Variants in AKR1D1 observed in about 807,000 individuals in gnomAD.
The protein encoded by AKR1D1 is aldo-keto reductase family 1 member D1, also known as delta(4)-3-ketosteroid 5-beta-reductase.
A neutral mutation model predicts 42.6 loss-of-function variants in AKR1D1; 32 were observed. The observed-to-expected ratio is 0.75, with a 90% CI of 0.57 to 1.01. AKR1D1 has a LOEUF of 1.01. Ranked by LOEUF, AKR1D1 falls within the 50% of genes least tolerant of loss-of-function variation. The probability of loss-of-function intolerance (pLI) is 0.00; values close to 1 mark genes in which losing one functional copy is unlikely to be tolerated. For synonymous variants in AKR1D1, 123 were observed against 135.5 expected (o/e 0.91, Z 0.64); for missense variants, 364 against 402.2 (o/e 0.91, Z 0.81).
intron 3 of AKR1D1, among the ~76,000 whole-genome samples, chr7:138,096,332 T>C (rs947626188): frequency 4.6e-5 from 7 of 151,902 alleles, no homozygotes; most frequent in Non-Finnish European, 8.8e-5. Flanking sequence ...TGGCTCAAAG[T>C]TCTAGAAGCT....
chr7:138,085,550 T>C (rs1481832344), intron 1 of AKR1D1, among the ~76,000 whole-genome samples: 1 of 150,998 alleles, frequency 6.6e-6, no homozygotes, highest in Non-Finnish European at 1.5e-5. Context: ...GTTCAAGAGA[T>C]TCCCCTGCCT....
At chr7:138,105,887 A>G (rs1191075372) in intron 5 of AKR1D1, among the ~76,000 whole-genome samples, 1 of 147,636 alleles carries the variant, frequency 6.8e-6, no homozygotes, top group African/African-American at 2.6e-5. Context: ...TTCGTCTAAC[A>G]ACAACAACAA....
chr7:138,080,022 T>C (rs1006630021), intron 1 of AKR1D1, among the ~76,000 whole-genome samples: 1 of 152,214 alleles, frequency 6.6e-6, no homozygotes, highest in African/African-American at 2.4e-5. Flanking sequence ...GGAGTTCTGC[T>C]GAGCCCCTCC....
intron 8 of AKR1D1, among the ~76,000 whole-genome samples, chr7:138,116,326 T>C (rs1274700443): frequency 6.6e-6 from 1 of 152,152 alleles, no homozygotes; most frequent in African/African-American, 2.4e-5. Context: ...AAGAGGCATG[T>C]GCACATGACA....
chr7:138,106,634 G>C lies in AKR1D1; in HGVS notation c.606G>C (p.Gln202His). 6.2e-7 allele frequency: 1 copy of C among 1,614,082 alleles called. No individual in the cohort carries two copies. The highest frequency in any genetic ancestry group is 8.5e-7 in the Non-Finnish European group (1 of 1,179,976). ...TTGAGTGCCATCCGTATTTCACCCA[G>C]CCAAAACTCTTGAAATTTTGCCAAC... The part of the protein sequence containing the change: ...NQVECHPYFT[Q>H]PKLLKFCQQH... Residue 202 changes from glutamine to histidine, a missense_variant, in exon 6 of 9, where the codon CAG becomes CAC. By Grantham distance (24) the Gln-to-His change is conservative. Transcript: ENST00000242375.
chr7:138,115,277 T>G (rs971295115), intron 8 of AKR1D1, among the ~76,000 whole-genome samples: 52 of 152,024 alleles, frequency 3.4e-4, no homozygotes, highest in African/African-American at 1.3e-3. Context: ...ACCCTATCTC[T>G]ACAAAAAATT....
At chr7:138,089,404 T>C (rs1794017186) in intron 2 of AKR1D1, among the ~76,000 whole-genome samples, 1 of 150,940 alleles carries the variant, frequency 6.6e-6, no homozygotes, top group Non-Finnish European at 1.5e-5. Context: ...GGTATTCAGA[T>C]TTTGTTTAAT....
chr7:138,082,796 A>G (rs991959949), intron 1 of AKR1D1, among the ~76,000 whole-genome samples: 1 of 152,228 alleles, frequency 6.6e-6, no homozygotes, highest in Non-Finnish European at 1.5e-5. Flanking sequence ...TTCACTTAGT[A>G]TAATGTTCTC....
At chr7:138,080,549 C>G (rs1803032627) in intron 1 of AKR1D1, among the ~76,000 whole-genome samples, 1 of 152,068 alleles carries the variant, frequency 6.6e-6, no homozygotes, top group Admixed American at 6.6e-5. Flanking sequence ...ATGTTCCATC[C>G]CATTTAATAT....
intron 3 of AKR1D1, among the ~76,000 whole-genome samples, chr7:138,092,286 C>G (rs1794099984): frequency 6.6e-6 from 1 of 152,202 alleles, no homozygotes; most frequent in South Asian, 2.1e-4. Flanking sequence ...CTAACTGTAG[C>G]CCACCATTGA....
intron 6 of AKR1D1, chr7:138,107,136 C>T: frequency 1.6e-6 from 1 of 607,388 alleles, no homozygotes; most frequent in South Asian, 1.5e-5. Flanking sequence ...AGTCTTCCTA[C>T]CTTTCCCTGT....
chr7:138,101,804 A>ATAGG (rs1174164127), intron 4 of AKR1D1, among the ~76,000 whole-genome samples: 1 of 152,240 alleles, frequency 6.6e-6, no homozygotes, highest in Non-Finnish European at 1.5e-5. Context: ...CAATGGAGAG[A>ATAGG]TATACCATGT....
At chr7:138,112,759 G>A (rs1396016588) in intron 7 of AKR1D1, among the ~76,000 whole-genome samples, 2 of 150,448 alleles carry the variant, frequency 1.3e-5, no homozygotes, top group Non-Finnish European at 3.0e-5. Context: ...TTAAAGGATA[G>A]AAAGATAAAA....
At chr7:138,109,508 G>A (rs1794496637) in intron 7 of AKR1D1, among the ~76,000 whole-genome samples, 1 of 152,132 alleles carries the variant, frequency 6.6e-6, no homozygotes, top group South Asian at 2.1e-4. Context: ...AGCTCCTGAA[G>A]GTCACCCTCA....
Position 138,087,488 on chromosome 7 carries a change from T to A in AKR1D1, c.94-1113T>A, listed in dbSNP as rs139197643. Among the ~76,000 whole-genome samples, 535 of 152,296 alleles carry A rather than the reference T, an allele frequency of 3.5e-3. 3 individuals carry two copies. Among genetic ancestry groups the A allele is most frequent in the African/African-American group, 0.012 (506 of 41,552 alleles). Reference sequence around the variant, plus strand: ...AGCTACCAAATGTTATTAAAATATATCCTAAAACATAAAATGTTCCTCAAC... The same window carrying A: ...AGCTACCAAATGTTATTAAAATATAACCTAAAACATAAAATGTTCCTCAAC... On this transcript the variant is annotated intron_variant, in intron 1 of 8. Coordinates refer to ENST00000242375, the MANE Select transcript of AKR1D1 (RefSeq NM_005989.4).
chr7:138,076,965 C>CA (rs1802951543), intron 1 of AKR1D1, among the ~76,000 whole-genome samples: 1 of 152,056 alleles, frequency 6.6e-6, no homozygotes, highest in African/African-American at 2.4e-5. Flanking sequence ...TTCAGTCTAA[C>CA]AAACACCTAG....
intron 1 of AKR1D1, among the ~76,000 whole-genome samples, chr7:138,077,446 A>G (rs1802964017): frequency 6.6e-6 from 1 of 152,160 alleles, no homozygotes; most frequent in African/African-American, 2.4e-5. Flanking sequence ...TGATTCAATT[A>G]CCTCTCCCTC....
At chr7:138,116,038 C>T (rs1028240332) in intron 8 of AKR1D1, among the ~76,000 whole-genome samples, 4 of 152,002 alleles carry the variant, frequency 2.6e-5, no homozygotes, top group Admixed American at 1.3e-4. Flanking sequence ...CTTGGGCAAC[C>T]GTGGTGGCAC....
intron 3 of AKR1D1, among the ~76,000 whole-genome samples, chr7:138,092,156 G>A (rs1161612759): frequency 6.6e-6 from 1 of 152,302 alleles, no homozygotes; most frequent in Non-Finnish European, 1.5e-5. Context: ...AGAAGATTAT[G>A]TTAGCAGACT....
Sources: gnomAD v4.1 joint callset for allele counts (sites outside exome capture counted in the v4.1 genomes callset) on GRCh38, gnomAD v4.1.1 for gene constraint, MANE v1.5 for transcripts, NCBI Gene and HGNC (gene_info 2026-07-23, HGNC 2026-07-21) for gene names.